CNTNAP2: variants seen among roughly 807,000 people sequenced by gnomAD.
CNTNAP2 encodes the protein contactin associated protein 2.
In CNTNAP2, 98 loss-of-function variants were observed where a neutral mutation model predicts 155.2. The observed-to-expected ratio is 0.63, with a 90% CI of 0.54 to 0.75. The LOEUF (loss-of-function observed/expected upper bound fraction) is 0.75. CNTNAP2 is among the 30% of genes least tolerant of loss of function. CNTNAP2 has a pLI of 0.00. For synonymous variants in CNTNAP2, 651 were observed against 631.2 expected (o/e 1.03, Z -0.47); for missense variants, 1,727 against 1,688.1 (o/e 1.02, Z -0.40).
intron 1 of CNTNAP2, among the ~76,000 whole-genome samples, chr7:146,506,197 G>A (rs78144994): frequency 0.064 from 9,809 of 152,210 alleles, 782 homozygotes; most frequent in African/African-American, 0.19. Flanking sequence ...ACTGGTGGCC[G>A]TGTCTACAGC....
chr7:147,127,259 T>C (rs1801259428), intron 6 of CNTNAP2, among the ~76,000 whole-genome samples: 1 of 152,180 alleles, frequency 6.6e-6, no homozygotes, highest in Non-Finnish European at 1.5e-5. Flanking sequence ...TTTCTGATTC[T>C]TTGGGATATA....
At chr7:147,619,684 A>G (rs1801356558) in intron 12 of CNTNAP2, among the ~76,000 whole-genome samples, 1 of 152,116 alleles carries the variant, frequency 6.6e-6, no homozygotes, top group Non-Finnish European at 1.5e-5. Context: ...TGGAGTTCTG[A>G]GGTTTTTGAC....
intron 1 of CNTNAP2, among the ~76,000 whole-genome samples, chr7:146,372,841 T>C (rs1408273675): frequency 1.3e-5 from 2 of 151,918 alleles, no homozygotes; most frequent in Admixed American, 6.6e-5. Flanking sequence ...GCAATGGAGG[T>C]ACAGAAAAAC....
At chr7:146,491,923 A>G (rs1043480417) in intron 1 of CNTNAP2, among the ~76,000 whole-genome samples, 3 of 151,958 alleles carry the variant, frequency 2.0e-5, no homozygotes, top group African/African-American at 7.3e-5. Flanking sequence ...CCTCCCTGAA[A>G]CTCTGTATCC....
chr7:147,468,101 T>C (rs897716088), intron 10 of CNTNAP2, among the ~76,000 whole-genome samples: 1 of 151,890 alleles, frequency 6.6e-6, no homozygotes, highest in Non-Finnish European at 1.5e-5. Flanking sequence ...CTGGGCAACA[T>C]AGAGACCCCA....
chr7:147,974,394 G>C (rs1161208590), intron 14 of CNTNAP2, among the ~76,000 whole-genome samples: 2 of 152,122 alleles, frequency 1.3e-5, no homozygotes, highest in Non-Finnish European at 2.9e-5. Flanking sequence ...CAGATCCCCT[G>C]AGGTCAGGAG....
chr7:146,285,109 G>GT (rs1233858313), intron 1 of CNTNAP2, among the ~76,000 whole-genome samples: 3 of 152,118 alleles, frequency 2.0e-5, no homozygotes, highest in African/African-American at 7.2e-5. Flanking sequence ...AATAGATAGT[G>GT]TAAGTTAAGG....
At chr7:148,363,068 A>G (rs758641972) in intron 21 of CNTNAP2, among the ~76,000 whole-genome samples, 2 of 151,862 alleles carry the variant, frequency 1.3e-5, no homozygotes, top group Non-Finnish European at 2.9e-5. Flanking sequence ...TGCAACCTCC[A>G]CCTCCTGGGT....
rs568116952 is a variant in CNTNAP2, at chr7:148,364,984, C to A, written c.3476-18665C>A. 7.2e-5 allele frequency among the ~76,000 whole-genome samples: 11 copies of A among 152,322 alleles called. No homozygotes were observed. In the South Asian group the frequency reaches 2.3e-3, roughly 32 times the overall value. ...ACGAACCCACCAGAAGGAAGAAACT[C>A]CGAACACATCTGAACATCAGAAGGG... is the stretch of plus-strand genomic sequence containing the variant. On this transcript the variant is annotated intron_variant, in intron 21 of 23. Coordinates refer to ENST00000361727, the MANE Select transcript of CNTNAP2 (RefSeq NM_014141.6).
chr7:147,961,894 G>T (rs923234547), intron 14 of CNTNAP2, among the ~76,000 whole-genome samples: 2 of 152,144 alleles, frequency 1.3e-5, no homozygotes, highest in Non-Finnish European at 2.9e-5. Flanking sequence ...TTCAAAGGGG[G>T]TAACAACTTT....
intron 8 of CNTNAP2, among the ~76,000 whole-genome samples, chr7:147,206,776 A>G: frequency 6.6e-6 from 1 of 152,268 alleles, no homozygotes; most frequent in East Asian, 1.9e-4. Context: ...AACAATCATA[A>G]AAACAAAACA....
chr7:146,701,144 T>G (rs1268020399), intron 1 of CNTNAP2, among the ~76,000 whole-genome samples: 1 of 152,194 alleles, frequency 6.6e-6, no homozygotes, highest in Non-Finnish European at 1.5e-5. Flanking sequence ...ACTGCTTATC[T>G]GTTGGCGGGA....
chr7:146,295,778 A>G (rs1800504652), intron 1 of CNTNAP2, among the ~76,000 whole-genome samples: 1 of 151,910 alleles, frequency 6.6e-6, no homozygotes, highest in South Asian at 2.1e-4. Context: ...AAAAATGAAA[A>G]CATGAAAACT....
intron 12 of CNTNAP2, among the ~76,000 whole-genome samples, chr7:147,599,904 A>G (rs1371921356): frequency 6.6e-6 from 1 of 152,182 alleles, no homozygotes; most frequent in East Asian, 1.9e-4. Context: ...GATACTATTC[A>G]ATGCAGTGTA....
At chr7:146,411,858 A>C in intron 1 of CNTNAP2, among the ~76,000 whole-genome samples, 1 of 146,946 alleles carries the variant, frequency 6.8e-6, no homozygotes, top group East Asian at 2.0e-4. Context: ...TTTATTTGAG[A>C]TAGAGTCTCT....
At chr7:146,498,023 C>A (rs1378580133) in intron 1 of CNTNAP2, among the ~76,000 whole-genome samples, 2 of 151,788 alleles carry the variant, frequency 1.3e-5, no homozygotes, top group Admixed American at 6.6e-5. Flanking sequence ...ATACATGGAA[C>A]TCACAGTTAG....
At chr7:147,288,507 G>A (rs1805231514) in intron 8 of CNTNAP2, among the ~76,000 whole-genome samples, 1 of 152,186 alleles carries the variant, frequency 6.6e-6, no homozygotes, top group Non-Finnish European at 1.5e-5. Flanking sequence ...GAAAAGTTAA[G>A]ATGAAAAGCA....
intron 3 of CNTNAP2, among the ~76,000 whole-genome samples, chr7:146,846,053 T>C (rs1000725573): frequency 6.6e-6 from 1 of 152,216 alleles, no homozygotes; most frequent in African/African-American, 2.4e-5. Flanking sequence ...TTCAATGGTG[T>C]ACTTAGATTC....
chr7:146,847,100 G>T (rs1803856772), intron 3 of CNTNAP2, among the ~76,000 whole-genome samples: 1 of 151,910 alleles, frequency 6.6e-6, no homozygotes, highest in East Asian at 1.9e-4. Flanking sequence ...GTTACCTGAG[G>T]CTAAATAACT....
Sources: gnomAD v4.1 joint callset for allele counts (sites outside exome capture counted in the v4.1 genomes callset) on GRCh38, gnomAD v4.1.1 for gene constraint, MANE v1.5 for transcripts, NCBI Gene and HGNC (gene_info 2026-07-23, HGNC 2026-07-21) for gene names.